ZC3HAV1: variants seen among roughly 807,000 people sequenced by gnomAD.
ZC3HAV1 encodes the protein zinc finger CCCH-type antiviral protein 1.
ZC3HAV1 carries 41 observed loss-of-function variants against 86.6 expected under a neutral mutation model. The observed-to-expected ratio is 0.47, with a 90% CI of 0.37 to 0.61. The LOEUF is 0.61. ZC3HAV1 is among the 20% of genes least tolerant of loss of function. The pLI is 0.00. For missense variants in ZC3HAV1, 964 were observed against 1,141.1 expected, an observed-to-expected ratio of 0.84 and a Z score of 2.24; for synonymous variants, 421 against 432.1, an observed-to-expected ratio of 0.97 and a Z score of 0.32.
At position 139,109,479 on chromosome 7, in the gene ZC3HAV1, G is replaced by T; in HGVS notation, c.-148C>A. ...CAGCGAGGGCGCGCTCTCCGTCGCC[G>T]TTAGCCCAGCCCAGCGATCCACTCT... On this transcript the variant is annotated 5_prime_UTR_variant, in exon 1 of 13. Transcript: ENST00000242351. 5 of 1,000,474 alleles carry T rather than the reference G, an allele frequency of 5.0e-6. No individual in the cohort carries two copies. The highest frequency in any genetic ancestry group is 7.1e-6 in the Non-Finnish European group (5 of 708,252). The allele number at this position is 1,000,474 out of a possible 1,614,324, so 62.0% of individuals were successfully genotyped here.
rs1817994478 is a variant in ZC3HAV1, at chr7:139,108,293, AAAC to A, written c.308+728_308+730del. ...GACGAAAAAAAAAAAAGGCAAACGGAAACAACAGAAGCAGTGGCCCGAGACGTG... is the reference window on the plus strand; with the variant it reads ...GACGAAAAAAAAAAAAGGCAAACGGAAACAGAAGCAGTGGCCCGAGACGTG... On this transcript the variant is annotated intron_variant, in intron 1 of 12. Coordinates refer to ENST00000242351, the MANE Select transcript of ZC3HAV1 (RefSeq NM_020119.4). The surrounding 1 kb of genome is among the most constrained non-coding windows in gnomAD (Gnocchi z 4.2). 6.6e-6 allele frequency among the ~76,000 whole-genome samples: 1 copy of A among 150,832 alleles called. No homozygotes were observed. The highest frequency in any genetic ancestry group is 2.1e-4 in the South Asian group (1 of 4,776).
chr7:139,075,311 G>C (rs28562810), intron 6 of ZC3HAV1, among the ~76,000 whole-genome samples: 5,201 of 152,234 alleles, frequency 0.034, 293 homozygotes, highest in African/African-American at 0.12. Context: ...GAAAAGTAAT[G>C]TAACTTTTCC....
At chr7:139,048,949 G>A (rs1050102412) in intron 12 of ZC3HAV1, among the ~76,000 whole-genome samples, 4 of 151,980 alleles carry the variant, frequency 2.6e-5, no homozygotes, top group Admixed American at 6.6e-5. Context: ...TATGGCTGGC[G>A]GGAATTCTTT....
intron 1 of ZC3HAV1, among the ~76,000 whole-genome samples, chr7:139,097,428 A>ATATATTTTTTTTTTTTTTTT: frequency 4.2e-5 from 2 of 48,160 alleles, no homozygotes; most frequent in African/African-American, 2.3e-4. Context: ...ATATATATAT[A>ATATATTTTTTTTTTTTTTTT]TTTTTTTTTT....
intron 1 of ZC3HAV1, among the ~76,000 whole-genome samples, chr7:139,091,705 C>A (rs1008125715): frequency 1.3e-5 from 2 of 152,076 alleles, no homozygotes; most frequent in African/African-American, 2.4e-5. Flanking sequence ...CAGCCTCGAA[C>A]TCCTGGGCTC....
chr7:139,044,734 C>A lies in ZC3HAV1; in HGVS notation c.*2860G>T, dbSNP rs1025357502. 1 of 152,610 alleles carries A rather than the reference C, an allele frequency of 6.6e-6. No homozygotes were observed. The allele number at this position is 152,610 out of a possible 1,614,324, so 9.5% of individuals were successfully genotyped here. A position where few individuals can be genotyped will look rare whatever the true frequency, so the allele number is the denominator to read the frequency against. On this transcript the variant is annotated 3_prime_UTR_variant, in exon 13 of 13. Transcript: ENST00000242351. Reference sequence around the variant, plus strand: ...TTCCTCACAATAAGAAATTACTCTGCACCCTATACGAATTTTGAATGTCTC... The same window carrying A: ...TTCCTCACAATAAGAAATTACTCTGAACCCTATACGAATTTTGAATGTCTC...
intron 1 of ZC3HAV1, among the ~76,000 whole-genome samples, chr7:139,095,221 C>T (rs1374965412): frequency 6.6e-6 from 1 of 152,034 alleles, no homozygotes; most frequent in African/African-American, 2.4e-5. Context: ...AAAACCAACC[C>T]TAACGCGATA....
At chr7:139,080,399 A>G (rs1483769134) in intron 3 of ZC3HAV1, among the ~76,000 whole-genome samples, 156 bp from the exon 4 acceptor site, 2 of 152,050 alleles carry the variant, frequency 1.3e-5, no homozygotes, top group Non-Finnish European at 2.9e-5. Context: ...AATCTTGAAG[A>G]TGGGTGGTTT....
intron 1 of ZC3HAV1, among the ~76,000 whole-genome samples, chr7:139,100,945 T>G (rs1460127197): frequency 6.6e-6 from 1 of 152,184 alleles, no homozygotes; most frequent in Non-Finnish European, 1.5e-5. Context: ...CCTCCCTGCC[T>G]GATTCTCCTG....
rs1166548742 is a variant in ZC3HAV1 at position 139,047,656 on chromosome 7, C to T, written c.2647G>A (p.Asp883Asn). The change falls in exon 13 of 13, where the codon GAT (aspartate) becomes AAT (asparagine). Residue 883 changes from aspartate to asparagine, a missense_variant. By Grantham distance (23) the Asp-to-Asn change is conservative (BLOSUM62 1). Coordinates refer to ENST00000242351, the MANE Select transcript of ZC3HAV1 (RefSeq NM_020119.4). ...ATCACATATTGTGGGTAAACCTGAT[C>T]TTTCTGAAAGATGACAAAAACGGAG... ...NPSVFVIFQK[D>N]QVYPQYVIEY... 6.2e-7 allele frequency: 1 copy of T among 1,613,988 alleles called. No individual in the cohort carries two copies. Among genetic ancestry groups the T allele is most frequent in the Non-Finnish European group, 8.5e-7 (1 of 1,180,014 alleles).
chr7:139,100,911 T>G (rs1468707061), intron 1 of ZC3HAV1, among the ~76,000 whole-genome samples: 4 of 152,178 alleles, frequency 2.6e-5, no homozygotes, highest in Admixed American at 2.0e-4. Flanking sequence ...TGGACTGTAC[T>G]GCTGCCATCT....
At chr7:139,097,428 A>ATATATATATATATTTTTTT in intron 1 of ZC3HAV1, among the ~76,000 whole-genome samples, 1 of 48,158 alleles carries the variant, frequency 2.1e-5, no homozygotes, top group African/African-American at 1.1e-4. Context: ...ATATATATAT[A>ATATATATATATATTTTTTT]TTTTTTTTTT....
Position 139,055,289 on chromosome 7 carries a change from C to A in ZC3HAV1, c.2103G>T (p.Gln701His). 1 of 1,612,384 alleles carries A rather than the reference C, an allele frequency of 6.2e-7. No individual in the cohort carries two copies. The highest frequency in any genetic ancestry group is 1.1e-5 in the South Asian group (1 of 90,746). The change falls in exon 10 of 13, where the codon CAG (glutamine) becomes CAT (histidine). Residue 701 changes from glutamine to histidine, a missense_variant. Coordinates refer to ENST00000242351, the MANE Select transcript of ZC3HAV1 (RefSeq NM_020119.4). Reference sequence around the variant, plus strand: ...AAGACACTGACGAGGTCTTTGCTGGCTGATGGCTACAAATAAAGAGAAAGA... The same window carrying A: ...AAGACACTGACGAGGTCTTTGCTGGATGATGGCTACAAATAAAGAGAAAGA... ...VQQMKRGPDH[Q>H]PAKTSSVSLT...
In ZC3HAV1 at chr7:139,058,378, C is replaced by T. The variant is rs573981958; in HGVS notation, c.2096+2658G>A. On this transcript the variant is annotated intron_variant, in intron 9 of 12. Coordinates refer to ENST00000242351, the MANE Select transcript of ZC3HAV1 (RefSeq NM_020119.4). ...CTGCAGTGGGAGGATCACCCGAGTCCGAGAGGTTGAGGCTGCAGTGAGCTG... is the reference window on the plus strand; with the variant it reads ...CTGCAGTGGGAGGATCACCCGAGTCTGAGAGGTTGAGGCTGCAGTGAGCTG... Among the ~76,000 whole-genome samples, 5 of 150,820 alleles carry T rather than the reference C, an allele frequency of 3.3e-5. No individual in the cohort carries two copies. In the East Asian group the frequency reaches 5.9e-4, roughly 18 times the overall value.
intron 9 of ZC3HAV1, among the ~76,000 whole-genome samples, chr7:139,056,143 G>A (rs1816273630): frequency 6.6e-6 from 1 of 152,078 alleles, no homozygotes; most frequent in South Asian, 2.1e-4. Context: ...ATGACCCCAT[G>A]AGGAAACAAT....
In ZC3HAV1 at chr7:139,073,975, G is replaced by C; in HGVS notation, c.1753C>G (p.Pro585Ala). The change falls in exon 7 of 13, where the codon CCC becomes GCC. Residue 585 changes from proline to alanine, a missense_variant. By Grantham distance (27) the Pro-to-Ala change is conservative. Transcript: ENST00000242351. Reference sequence around the variant, plus strand: ...GAAGGAGTGGAGAGGCGTCGGATGGGAAAGGAATCACAACTCATTACCCGA... The same window carrying C: ...GAAGGAGTGGAGAGGCGTCGGATGGCAAAGGAATCACAACTCATTACCCGA... ...NFRVMSCDSF[P>A]IRRLSTPSSV... 1 of 1,613,910 alleles carries C rather than the reference G, an allele frequency of 6.2e-7. No individual in the cohort carries two copies. Among genetic ancestry groups the C allele is most frequent in the Non-Finnish European group, 8.5e-7 (1 of 1,179,848 alleles).
At chr7:139,102,962 GTA>G (rs372941078) in intron 1 of ZC3HAV1, among the ~76,000 whole-genome samples, 4 of 147,718 alleles carry the variant, frequency 2.7e-5, no homozygotes, top group African/African-American at 1.0e-4. Context: ...ATATGTATAT[GTA>G]TATGTATATG....
intron 1 of ZC3HAV1, among the ~76,000 whole-genome samples, chr7:139,105,593 A>T (rs1817911199): frequency 6.6e-6 from 1 of 152,250 alleles, no homozygotes; most frequent in Non-Finnish European, 1.5e-5. Flanking sequence ...CACTAAAAAC[A>T]TTGCAAAAGA....
intron 7 of ZC3HAV1, among the ~76,000 whole-genome samples, chr7:139,068,180 C>T (rs1198744876): frequency 6.6e-6 from 1 of 151,980 alleles, no homozygotes; most frequent in Non-Finnish European, 1.5e-5. Flanking sequence ...CTGCCTCAGC[C>T]TCCCGAATAG....
Sources: allele counts gnomAD v4.1 joint callset (sites outside exome capture counted in the v4.1 genomes callset), GRCh38; gene constraint gnomAD v4.1.1; non-coding constraint Gnocchi (gnomAD v3.1); transcripts MANE v1.5; gene names NCBI Gene and HGNC (gene_info 2026-07-23, HGNC 2026-07-21).